KCNQ1: variants seen among roughly 807,000 people sequenced by gnomAD.
KCNQ1 encodes potassium voltage-gated channel subfamily KQT member 1.
KCNQ1 carries 49 observed loss-of-function variants against 72.4 expected under a neutral mutation model. That is an observed-to-expected ratio of 0.68 (90% CI 0.54 to 0.86). The LOEUF is 0.86. KCNQ1 is among the 40% of genes least tolerant of loss of function. KCNQ1 has a pLI of 0.00. For synonymous variants in KCNQ1, 450 were observed against 412.6 expected (o/e 1.09, Z -1.10); for missense variants, 790 against 945.1 (o/e 0.84, Z 2.15).
In KCNQ1 at chr11:2,515,411, TGGCCCAGGGG is replaced by T. The variant is rs1847272002; in HGVS notation, c.387-12516_387-12507del. Among the ~76,000 whole-genome samples the T allele has an allele frequency of 1.9e-5, 1 of 52,020 alleles. No individual in the cohort carries two copies. Among genetic ancestry groups the T allele is most frequent in the African/African-American group, 3.7e-5 (1 of 27,168 alleles). The allele number at this position is 52,020 out of a possible 152,430, so 34.1% of individuals were successfully genotyped here. ...CCTGTGTGAGGGAGGGCGGAGCCCCTGGCCCAGGGGCGGGGAGGCCTGTCCACCCCTCCCA... is the reference window on the plus strand; with the variant it reads ...CCTGTGTGAGGGAGGGCGGAGCCCCTCGGGGAGGCCTGTCCACCCCTCCCA... On this transcript the variant is annotated intron_variant, in intron 1 of 15. Transcript: ENST00000155840. The surrounding 1 kb of genome is among the most constrained non-coding windows in gnomAD (Gnocchi z 4.7).
chr11:2,710,333 A>G lies in KCNQ1; in HGVS notation c.1514+48252A>G, dbSNP rs1244750101. ...CAAATTTTAATTGGGTTGTGTTTTT[A>G]TTATTTAGTAGAGTTCTTTATAGTC... On this transcript the variant is annotated intron_variant, in intron 11 of 15. Coordinates refer to ENST00000155840, the MANE Select transcript of KCNQ1 (RefSeq NM_000218.3). This position sits in a 1 kb window ranked among gnomAD's most constrained non-coding sequence, Gnocchi z 4.1. Among the ~76,000 whole-genome samples, 1 of 152,154 alleles carries G rather than the reference A, an allele frequency of 6.6e-6. No homozygotes were observed. The highest frequency in any genetic ancestry group is 1.5e-5 in the Non-Finnish European group (1 of 68,016).
chr11:2,780,614 C>G (rs990250461), intron 15 of KCNQ1, among the ~76,000 whole-genome samples: 24 of 152,324 alleles, frequency 1.6e-4, no homozygotes, highest in Admixed American at 3.3e-4. Context: ...TGCAGTGAGT[C>G]CCACCCCAGG....
chr11:2,671,202 G>A lies in KCNQ1; in HGVS notation c.1514+9121G>A. The A allele has an allele frequency of 5.0e-6, 2 of 398,584 alleles. No homozygotes were observed. 24.7% of individuals were successfully genotyped at this position (398,584 alleles called of 1,614,324 possible). Reference sequence around the variant, plus strand: ...AGGAGAAAAGGAAAGAAAAATAAAAGGTAGAGAGACAGAGGTAGACAGGAG... The same window carrying A: ...AGGAGAAAAGGAAAGAAAAATAAAAAGTAGAGAGACAGAGGTAGACAGGAG... On this transcript the variant is annotated intron_variant, in intron 11 of 15. Transcript: ENST00000155840. The surrounding 1 kb of genome is among the most constrained non-coding windows in gnomAD (Gnocchi z 4.7).
chr11:2,709,423 T>A (rs372761967), intron 11 of KCNQ1, among the ~76,000 whole-genome samples: 2 of 58,054 alleles, frequency 3.4e-5, no homozygotes, highest in Non-Finnish European at 6.1e-5. Context: ...GCAGGGCTGT[T>A]TTTTTTTTAT....
chr11:2,790,787 T>G (rs1358284794), intron 15 of KCNQ1, among the ~76,000 whole-genome samples: 1 of 152,216 alleles, frequency 6.6e-6, no homozygotes, highest in African/African-American at 2.4e-5. Context: ...GCTTGGCTGA[T>G]GGCAGAGCTC....
Position 2,671,135 on chromosome 11 carries a change from C to T in KCNQ1, c.1514+9054C>T, listed in dbSNP as rs1480570710. 2.0e-5 allele frequency: 8 copies of T among 398,454 alleles called. No homozygotes were observed. The highest frequency in any genetic ancestry group is 3.1e-5 in the Non-Finnish European group (7 of 226,096). 24.7% of individuals were successfully genotyped at this position (398,454 alleles called of 1,614,324 possible). ...TTAGTCTGTCAGGCCTGGTTGGTCC[C>T]ATGGGAGGCCTGAGGTGCCATCTTA... On this transcript the variant is annotated intron_variant, in intron 11 of 15. Transcript: ENST00000155840. The surrounding 1 kb of genome is among the most constrained non-coding windows in gnomAD (Gnocchi z 4.7).
chr11:2,633,975 T>C (rs954752461), intron 10 of KCNQ1: 83 of 398,430 alleles, frequency 2.1e-4, no homozygotes, highest in Middle Eastern at 6.2e-4. Context: ...AGTTCAAATC[T>C]ATGTTGTTGA....
intron 1 of KCNQ1, among the ~76,000 whole-genome samples, chr11:2,456,765 C>CAAAAA (rs61437708): frequency 3.1e-4 from 10 of 31,986 alleles, no homozygotes; most frequent in Admixed American, 1.8e-3. Flanking sequence ...ACTAAAAATC[C>CAAAAA]AAAAAAAAAA....
chr11:2,508,009 TG>T lies in KCNQ1; in HGVS notation c.387-19916del, dbSNP rs1337248771. 1.3e-5 allele frequency among the ~76,000 whole-genome samples: 2 copies of T among 152,016 alleles called. No individual in the cohort carries two copies. The highest frequency in any genetic ancestry group is 4.8e-5 in the African/African-American group (2 of 41,398). ...ACGTATGTGGGAGTCTGGGTCCTGG[TG>T]GGTCCCAGCCCCGTACATGGAGGCT... On this transcript the variant is annotated intron_variant, in intron 1 of 15. Coordinates refer to ENST00000155840, the MANE Select transcript of KCNQ1 (RefSeq NM_000218.3). This position sits in a 1 kb window ranked among gnomAD's most constrained non-coding sequence, Gnocchi z 6.2.
rs1272874179 is a variant in KCNQ1 at position 2,734,128 on chromosome 11, G to A, written c.1515-34716G>A. On this transcript the variant is annotated intron_variant, in intron 11 of 15. Coordinates refer to ENST00000155840, the MANE Select transcript of KCNQ1 (RefSeq NM_000218.3). This position sits in a 1 kb window ranked among gnomAD's most constrained non-coding sequence, Gnocchi z 7.0. ...AAGCTTGTCTAGCACTGGCAGGGGT[G>A]GTCCTGCTCCGGCCCCAGGGCCCGC... 6.6e-6 allele frequency among the ~76,000 whole-genome samples: 1 copy of A among 152,168 alleles called. No individual in the cohort carries two copies. The highest frequency in any genetic ancestry group is 2.4e-5 in the African/African-American group (1 of 41,440).
rs776236971 is a variant in KCNQ1 at position 2,450,152 on chromosome 11, C to T, written c.386+4668C>T. Among the ~76,000 whole-genome samples the T allele has an allele frequency of 3.9e-5, 6 of 152,178 alleles. No individual in the cohort carries two copies. The highest frequency in any genetic ancestry group is 9.6e-5 in the African/African-American group (4 of 41,456). On this transcript the variant is annotated intron_variant, in intron 1 of 15. Coordinates refer to ENST00000155840, the MANE Select transcript of KCNQ1 (RefSeq NM_000218.3). This position sits in a 1 kb window ranked among gnomAD's most constrained non-coding sequence, Gnocchi z 7.9. ...ATTCCAAACTGGCTTTTGGCCCCTG[C>T]GATATCTTGCTGTGATTCAAGACTC...
chr11:2,569,546 C>T (rs138732337), intron 2 of KCNQ1, among the ~76,000 whole-genome samples: 16 of 152,316 alleles, frequency 1.1e-4, no homozygotes, highest in African/African-American at 3.1e-4. Context: ...GGCAGGAGTC[C>T]GCCGGAAGTG....
rs900760574 is a variant in KCNQ1 at position 2,507,240 on chromosome 11, T to C, written c.387-20688T>C. ...TGCTCTTGTGCATGATCTAAGGTAA[T>C]CTTTTCTCAGAGAGTGGCCTGAGAC... On this transcript the variant is annotated intron_variant, in intron 1 of 15. Coordinates refer to ENST00000155840, the MANE Select transcript of KCNQ1 (RefSeq NM_000218.3). The surrounding 1 kb of genome is among the most constrained non-coding windows in gnomAD (Gnocchi z 5.4). Among the ~76,000 whole-genome samples the C allele has an allele frequency of 1.3e-5, 2 of 152,180 alleles. No homozygotes were observed. Among genetic ancestry groups the C allele is most frequent in the African/African-American group, 4.8e-5 (2 of 41,446 alleles).
chr11:2,798,867 C>T (rs1334905695), intron 15 of KCNQ1, among the ~76,000 whole-genome samples: 1 of 152,072 alleles, frequency 6.6e-6, no homozygotes. Flanking sequence ...TATGCATGTA[C>T]ATTTGCCTAA....
chr11:2,643,665 G>A (rs771801911), intron 10 of KCNQ1: 1 of 398,484 alleles, frequency 2.5e-6, no homozygotes, highest in Non-Finnish European at 4.4e-6. Context: ...TTGTTGATAT[G>A]TGAGGGCTTA....
Position 2,620,185 on chromosome 11 carries a change from G to GT in KCNQ1, c.1393+31332dup. ...CTGCATCCATGTTGCTGCAAAGGAC[G>GT]TAAGTTCATTCATGTATATATATAT... On this transcript the variant is annotated intron_variant, in intron 10 of 15. Transcript: ENST00000155840. This position sits in a 1 kb window ranked among gnomAD's most constrained non-coding sequence, Gnocchi z 4.5. 1 of 387,658 alleles carries GT rather than the reference G, an allele frequency of 2.6e-6. No individual in the cohort carries two copies. The highest frequency in any genetic ancestry group is 3.7e-5 in the East Asian group (1 of 27,278). The allele number at this position is 387,658 out of a possible 1,614,324, so 24.0% of individuals were successfully genotyped here. A position where few individuals can be genotyped will look rare whatever the true frequency, so the allele number is the denominator to read the frequency against.
chr11:2,501,118 T>A (rs1430766107), intron 1 of KCNQ1, among the ~76,000 whole-genome samples: 1 of 151,864 alleles, frequency 6.6e-6, no homozygotes, highest in African/African-American at 2.4e-5. Flanking sequence ...AACCTAATGA[T>A]CTTAAAGAAC....
chr11:2,796,077 C>T (rs536236084), intron 15 of KCNQ1, among the ~76,000 whole-genome samples: 28 of 152,362 alleles, frequency 1.8e-4, no homozygotes, highest in African/African-American at 6.3e-4. Flanking sequence ...TTAAGTACTT[C>T]TACTGCAGCA....
chr11:2,604,599 C>T (rs1848853685), intron 10 of KCNQ1, among the ~76,000 whole-genome samples: 2 of 151,792 alleles, frequency 1.3e-5, no homozygotes, highest in South Asian at 4.2e-4. Context: ...GGCTGGAGTG[C>T]AGTGGCGCGA....
Sources: gnomAD v4.1 joint callset for allele counts (sites outside exome capture counted in the v4.1 genomes callset) on GRCh38, gnomAD v4.1.1 for gene constraint, Gnocchi (gnomAD v3.1) non-coding constraint, MANE v1.5 for transcripts, NCBI Gene and HGNC (gene_info 2026-07-23, HGNC 2026-07-21) for gene names.